The following CSMD1 variants were observed in gnomAD, a reference collection of about 807,000 sequenced individuals.
CSMD1 encodes the protein CUB and sushi domain-containing protein 1.
A neutral mutation model predicts 417.5 loss-of-function variants in CSMD1; 213 were observed. The ratio of observed to expected loss-of-function variants is 0.51; its 90% confidence interval spans 0.46 to 0.57. The LOEUF (loss-of-function observed/expected upper bound fraction) is 0.57. Ranked by LOEUF, CSMD1 falls within the 20% of genes least tolerant of loss-of-function variation. The pLI is 0.00. For missense variants in CSMD1, 6,923 were observed against 4,529.7 expected (o/e 1.53, Z -15.17); for synonymous variants, 2,862 against 1,736.8 (o/e 1.65, Z -16.11).
chr8:3,448,589 G>C (rs1181959552), intron 12 of CSMD1, among the ~76,000 whole-genome samples: 1 of 152,064 alleles, frequency 6.6e-6, no homozygotes, highest in Non-Finnish European at 1.5e-5. Context: ...AAGTCCATGA[G>C]TACTAATAAA....
At chr8:3,453,550 T>G (rs1277356247) in intron 12 of CSMD1, among the ~76,000 whole-genome samples, 1 of 152,228 alleles carries the variant, frequency 6.6e-6, no homozygotes, top group Non-Finnish European at 1.5e-5. Flanking sequence ...TCTTTATTTC[T>G]ACCTTCATTT....
chr8:3,667,214 C>A (rs1465551477), intron 7 of CSMD1, among the ~76,000 whole-genome samples: 2 of 152,016 alleles, frequency 1.3e-5, no homozygotes, highest in African/African-American at 2.4e-5. Flanking sequence ...AACATTTACA[C>A]ATTATATAAT....
intron 12 of CSMD1, among the ~76,000 whole-genome samples, chr8:3,411,862 G>A (rs1388302500): frequency 8.7e-6 from 1 of 114,924 alleles, no homozygotes; most frequent in South Asian, 2.8e-4. Context: ...ATATATGCAC[G>A]TATATATGCA....
intron 2 of CSMD1, among the ~76,000 whole-genome samples, chr8:4,608,237 G>C (rs1341386127): frequency 1.3e-5 from 2 of 152,176 alleles, no homozygotes; most frequent in Non-Finnish European, 2.9e-5. Flanking sequence ...ATTTTGAGCT[G>C]GAGATTTATG....
chr8:4,410,503 T>G (rs1796591700), intron 3 of CSMD1, among the ~76,000 whole-genome samples: 1 of 152,228 alleles, frequency 6.6e-6, no homozygotes, highest in African/African-American at 2.4e-5. Context: ...TTCTAGTTAC[T>G]GTATAAGAGA....
At chr8:3,651,578 G>C (rs1193985868) in intron 7 of CSMD1, among the ~76,000 whole-genome samples, 2 of 152,000 alleles carry the variant, frequency 1.3e-5, no homozygotes, top group South Asian at 2.1e-4. Context: ...ACCACATCTA[G>C]AACACTAGAA....
At chr8:4,460,287 C>T (rs573885882) in intron 2 of CSMD1, among the ~76,000 whole-genome samples, 7 of 151,752 alleles carry the variant, frequency 4.6e-5, no homozygotes, top group African/African-American at 7.3e-5. Context: ...ATAATATGAA[C>T]GAAAATGGAG....
chr8:4,688,265 A>G (rs1010532707), intron 1 of CSMD1, among the ~76,000 whole-genome samples: 3 of 152,188 alleles, frequency 2.0e-5, no homozygotes, highest in African/African-American at 7.2e-5. Flanking sequence ...CAATATGTAT[A>G]TTGATCTAAC....
At chr8:4,640,819 A>C (rs553297433) in intron 1 of CSMD1, among the ~76,000 whole-genome samples, 9 of 151,474 alleles carry the variant, frequency 5.9e-5, no homozygotes, top group Non-Finnish European at 8.8e-5. Context: ...TTTTAGTTAA[A>C]ATTAAGATGT....
chr8:3,334,662 T>C (rs1402239243), intron 23 of CSMD1, among the ~76,000 whole-genome samples: 2 of 152,240 alleles, frequency 1.3e-5, no homozygotes, highest in Non-Finnish European at 2.9e-5. Flanking sequence ...CTTTTACTTA[T>C]TGTGGCAAAA....
intron 7 of CSMD1, among the ~76,000 whole-genome samples, chr8:3,705,346 G>C (rs369735152): frequency 2.1e-3 from 315 of 152,316 alleles, no homozygotes; most frequent in African/African-American, 7.4e-3. Flanking sequence ...AGGCAGCTCA[G>C]CCTTCCATCC....
intron 62 of CSMD1, 87 bp downstream of exon 62, chr8:2,961,054 G>A: frequency 2.6e-6 from 2 of 760,870 alleles, no homozygotes; most frequent in Non-Finnish European, 4.0e-6. Context: ...AATAAGGTAT[G>A]ATATAAAAAA....
At chr8:4,787,544 A>C in intron 1 of CSMD1, 1 of 1,397,804 alleles carries the variant, frequency 7.2e-7, no homozygotes, top group Non-Finnish European at 1.0e-6. Context: ...AACTGCCTTC[A>C]CCAGAAAATG....
chr8:4,779,645 G>A (rs1282024483), intron 1 of CSMD1, among the ~76,000 whole-genome samples: 1 of 152,142 alleles, frequency 6.6e-6, no homozygotes, highest in African/African-American at 2.4e-5. Context: ...CTGGCAAGCT[G>A]GCTTTAGCAT....
intron 2 of CSMD1, among the ~76,000 whole-genome samples, chr8:4,510,423 G>C (rs1484637284): frequency 2.6e-5 from 1 of 38,558 alleles, no homozygotes; most frequent in East Asian, 7.0e-4. Context: ...AAAAAAAAAA[G>C]CAAATACTTT....
rs910928010 is a variant in CSMD1, at chr8:3,145,604, T to A, written c.6032-2930A>T. ...TAAATTATACAGCCACATATCAAACTACCTAATACATATCAGAAAATAGAA... is the reference window on the plus strand; with the variant it reads ...TAAATTATACAGCCACATATCAAACAACCTAATACATATCAGAAAATAGAA... On this transcript the variant is annotated intron_variant, in intron 40 of 69. Coordinates refer to ENST00000635120, the MANE Select transcript of CSMD1 (RefSeq NM_033225.6). 1.7e-4 allele frequency among the ~76,000 whole-genome samples: 26 copies of A among 152,292 alleles called. No homozygotes were observed. In the Middle Eastern group the frequency reaches 0.01, roughly 60 times the overall value.
At chr8:4,926,730 T>C (rs1806897111) in intron 1 of CSMD1, among the ~76,000 whole-genome samples, 1 of 152,186 alleles carries the variant, frequency 6.6e-6, no homozygotes, top group African/African-American at 2.4e-5. Flanking sequence ...GACTTTACAA[T>C]CTATACTGTG....
chr8:4,471,672 G>A (rs541644041), intron 2 of CSMD1, among the ~76,000 whole-genome samples: 46 of 152,230 alleles, frequency 3.0e-4, no homozygotes, highest in Admixed American at 9.8e-4. Flanking sequence ...CCTGGTTGAG[G>A]AAGGCCAGCG....
chr8:3,585,350 T>G (rs898563417), intron 9 of CSMD1, among the ~76,000 whole-genome samples: 1 of 152,212 alleles, frequency 6.6e-6, no homozygotes, highest in Non-Finnish European at 1.5e-5. Flanking sequence ...TTCTTACATA[T>G]GAAGCTTTCC....
Sources: allele counts gnomAD v4.1 joint callset (sites outside exome capture counted in the v4.1 genomes callset), GRCh38; gene constraint gnomAD v4.1.1; transcripts MANE v1.5; gene names NCBI Gene and HGNC (gene_info 2026-07-23, HGNC 2026-07-21).